The following KLHL14 variants were observed in gnomAD, a reference collection of about 807,000 sequenced individuals.
KLHL14 encodes the protein kelch like family member 14.
In KLHL14, 22 loss-of-function variants were observed where a neutral mutation model predicts 64.3. That is an observed-to-expected ratio of 0.34 (90% CI 0.24 to 0.49). The LOEUF (loss-of-function observed/expected upper bound fraction) is 0.49, where lower values mean the gene tolerates loss of function less well. Ranked by LOEUF, KLHL14 falls within the 20% of genes least tolerant of loss-of-function variation. The pLI, the probability that KLHL14 is intolerant of heterozygous loss-of-function variation, is 0.99. For missense variants in KLHL14, 661 were observed against 789.0 expected (o/e 0.84, Z 1.94); for synonymous variants, 322 against 333.4 (o/e 0.97, Z 0.37).
intron 5 of KLHL14, among the ~76,000 whole-genome samples, chr18:32,685,831 T>C (rs573157237): frequency 3.9e-4 from 59 of 152,180 alleles, no homozygotes; most frequent in Non-Finnish European, 6.8e-4. Context: ...CTGCAATAAG[T>C]ACATTTTTGA....
chr18:32,769,578 CTCCCCTCCCTCCGGCCTCTCTGGCTCT>C, intron 2 of KLHL14, 40 bp downstream of exon 2: 6 of 532,182 alleles, frequency 1.1e-5, no homozygotes, highest in South Asian at 3.2e-5. Context: ...TCCCTGCCCC[CTCCCCTCCCTCCGGCCTCTCTGGCTCT>C]ACCCCCCCCT....
Position 32,680,809 on chromosome 18 carries a change from A to G in KLHL14, c.1239-210T>C, listed in dbSNP as rs1273747146. On this transcript the variant is annotated intron_variant, in intron 5 of 8. Transcript: ENST00000359358. This position sits in a 1 kb window ranked among gnomAD's most constrained non-coding sequence, Gnocchi z 4.8. ...TTGCCCTTCCTGGTTAATATTCTTG[A>G]TATTAAAGTAATAGTAGAGGAGAAA... is the stretch of plus-strand genomic sequence containing the variant. Among the ~76,000 whole-genome samples the G allele has an allele frequency of 6.6e-6, 1 of 152,118 alleles. No individual in the cohort carries two copies. Among genetic ancestry groups the G allele is most frequent in the Non-Finnish European group, 1.5e-5 (1 of 68,018 alleles).
At chr18:32,730,387 A>G (rs577785546) in intron 3 of KLHL14, among the ~76,000 whole-genome samples, 1 of 152,346 alleles carries the variant, frequency 6.6e-6, no homozygotes, top group Non-Finnish European at 1.5e-5. Context: ...ACAATGACTG[A>G]ACCATTAAAA....
chr18:32,697,018 C>T (rs2049940150), intron 3 of KLHL14, among the ~76,000 whole-genome samples: 1 of 152,136 alleles, frequency 6.6e-6, no homozygotes, highest in Non-Finnish European at 1.5e-5. Context: ...GTGTAAACCT[C>T]CAATCTGGGG....
chr18:32,718,044 G>A (rs765897775), intron 3 of KLHL14, among the ~76,000 whole-genome samples: 21 of 152,086 alleles, frequency 1.4e-4, no homozygotes, highest in Non-Finnish European at 2.5e-4. Flanking sequence ...GTGTCTCATC[G>A]TTTTCATACC....
At chr18:32,759,112 ATC>A (rs756181975) in intron 2 of KLHL14, among the ~76,000 whole-genome samples, 4 of 152,234 alleles carry the variant, frequency 2.6e-5, no homozygotes, top group Non-Finnish European at 5.9e-5. Flanking sequence ...TATTAATTAC[ATC>A]TCAATAAAGC....
chr18:32,733,868 C>G lies in KLHL14; in HGVS notation c.1069+8060G>C, dbSNP rs927328234. 12 of 340,032 alleles carry G rather than the reference C, an allele frequency of 3.5e-5. No individual in the cohort carries two copies. In the Admixed American group the frequency reaches 4.1e-4, roughly 12 times the overall value. The allele number at this position is 340,032 out of a possible 1,614,324, so 21.1% of individuals were successfully genotyped here. ...GGTAGAATTGCTAAATTGCTACGGT[C>G]TTTCCAAATGAACGTGTTTACTGGG... On this transcript the variant is annotated intron_variant, in intron 3 of 8. Transcript: ENST00000359358.
chr18:32,675,125 G>A (rs1475087244), intron 8 of KLHL14, among the ~76,000 whole-genome samples: 4 of 152,092 alleles, frequency 2.6e-5, no homozygotes, highest in African/African-American at 9.7e-5. Context: ...CAGCTAGGGC[G>A]AGAGGATCAC....
intron 3 of KLHL14, chr18:32,737,984 AT>A (rs1230780752): frequency 1.3e-5 from 2 of 152,176 alleles, no homozygotes; most frequent in Non-Finnish European, 2.9e-5. Context: ...ATAAATCTAT[AT>A]TTTAAAGTCC....
intron 3 of KLHL14, among the ~76,000 whole-genome samples, chr18:32,725,059 G>T (rs2050101155): frequency 6.6e-6 from 1 of 151,074 alleles, no homozygotes; most frequent in Admixed American, 6.6e-5. Context: ...CTGTTGCCCA[G>T]GCTGGAGTGC....
chr18:32,725,055 C>T (rs2050101133), intron 3 of KLHL14, among the ~76,000 whole-genome samples: 1 of 151,064 alleles, frequency 6.6e-6, no homozygotes, highest in South Asian at 2.1e-4. Flanking sequence ...TACCCTGTTG[C>T]CCAGGCTGGA....
rs1172783067 is a variant in KLHL14, at chr18:32,771,291, G to A, written c.-43-657C>T. Reference sequence around the variant, plus strand: ...CTAATAGTCTGAGGGAGGAGATAAAGCCCTTTCTTCTCCCGGGAAAGTGCA... The same window carrying A: ...CTAATAGTCTGAGGGAGGAGATAAAACCCTTTCTTCTCCCGGGAAAGTGCA... On this transcript the variant is annotated intron_variant, in intron 1 of 8. Transcript: ENST00000359358. Among the ~76,000 whole-genome samples the A allele has an allele frequency of 4.6e-5, 7 of 152,258 alleles. No homozygotes were observed. The East Asian group carries it at 9.7e-4, about 21-fold the overall frequency.
intron 3 of KLHL14, among the ~76,000 whole-genome samples, chr18:32,730,724 AG>A (rs1235724489): frequency 6.6e-6 from 1 of 152,228 alleles, no homozygotes; most frequent in Non-Finnish European, 1.5e-5. Context: ...CCTTAGCAGT[AG>A]GGTTTTCTGA....
chr18:32,684,964 A>G (rs2049869326), intron 5 of KLHL14, among the ~76,000 whole-genome samples: 1 of 152,076 alleles, frequency 6.6e-6, no homozygotes, highest in South Asian at 2.1e-4. Flanking sequence ...TTGACGGGGC[A>G]TTTGTGAGAT....
At chr18:32,693,758 A>C (rs1187635217) in intron 4 of KLHL14, among the ~76,000 whole-genome samples, 2 of 152,130 alleles carry the variant, frequency 1.3e-5, no homozygotes, top group Non-Finnish European at 2.9e-5. Context: ...CTTTAAACCC[A>C]ACTGCTGTTC....
intron 3 of KLHL14, among the ~76,000 whole-genome samples, chr18:32,719,163 G>T (rs1274997047): frequency 6.6e-6 from 1 of 152,166 alleles, no homozygotes; most frequent in African/African-American, 2.4e-5. Flanking sequence ...GGTCAGGCTG[G>T]TCTCAAACTC....
chr18:32,740,853 G>T (rs1419564346), intron 3 of KLHL14: 2 of 152,118 alleles, frequency 1.3e-5, no homozygotes, highest in Non-Finnish European at 2.9e-5. Flanking sequence ...AGGTTTCACT[G>T]GGGGATGCCA....
chr18:32,726,203 G>A (rs972837440), intron 3 of KLHL14, among the ~76,000 whole-genome samples: 1 of 152,214 alleles, frequency 6.6e-6, no homozygotes, highest in African/African-American at 2.4e-5. Flanking sequence ...GGCTACTTTT[G>A]TGCTATAATG....
At chr18:32,720,215 G>A (rs2144509175) in intron 3 of KLHL14, among the ~76,000 whole-genome samples, 1 of 152,280 alleles carries the variant, frequency 6.6e-6, no homozygotes, top group East Asian at 1.9e-4. Flanking sequence ...TAGGAGCCCT[G>A]CTAAAGAGTT....
Sources: allele counts gnomAD v4.1 joint callset (sites outside exome capture counted in the v4.1 genomes callset), GRCh38; gene constraint gnomAD v4.1.1; non-coding constraint Gnocchi (gnomAD v3.1); transcripts MANE v1.5; gene names NCBI Gene and HGNC (gene_info 2026-07-23, HGNC 2026-07-21).